MEIS1: variants seen among roughly 807,000 people sequenced by gnomAD.
The protein encoded by MEIS1 is homeobox protein Meis1.
In MEIS1, 5 loss-of-function variants were observed where a neutral mutation model predicts 50.8. The observed-to-expected ratio is 0.10, with a 90% CI of 0.05 to 0.21. The LOEUF (loss-of-function observed/expected upper bound fraction) is 0.21, where lower values mean the gene tolerates loss of function less well. MEIS1 is among the 10% of genes least tolerant of loss of function. MEIS1 has a pLI of 1.00. For synonymous variants in MEIS1, 176 were observed against 179.3 expected (o/e 0.98, Z 0.15); for missense variants, 318 against 517.3 (o/e 0.61, Z 3.74).
chr2:66,482,789 A>G (rs1057203238), intron 7 of MEIS1, among the ~76,000 whole-genome samples: 7 of 152,128 alleles, frequency 4.6e-5, no homozygotes, highest in African/African-American at 1.2e-4. Flanking sequence ...ATATTTCCCA[A>G]TGTTGCTCTC....
At chr2:66,458,066 GCTAACT>G (rs1232948507) in intron 6 of MEIS1, among the ~76,000 whole-genome samples, 1 of 152,084 alleles carries the variant, frequency 6.6e-6, no homozygotes, top group Non-Finnish European at 1.5e-5. Context: ...CTACGTAGCT[GCTAACT>G]GACACCTTCA....
intron 7 of MEIS1, among the ~76,000 whole-genome samples, chr2:66,476,391 C>T (rs1672892572): frequency 1.3e-5 from 2 of 152,102 alleles, no homozygotes; most frequent in African/African-American, 4.8e-5. Flanking sequence ...GAGGATTACT[C>T]CCAAAGATAG....
intron 7 of MEIS1, among the ~76,000 whole-genome samples, chr2:66,469,191 TAAA>T (rs201295252): frequency 6.9e-6 from 1 of 145,000 alleles, no homozygotes; most frequent in Non-Finnish European, 1.5e-5. Context: ...TAGTACCACT[TAAA>T]AAAAAAAAAG....
chr2:66,543,999 C>T lies in MEIS1; in HGVS notation c.889-3944C>T, dbSNP rs1456200428. Among the ~76,000 whole-genome samples the T allele has an allele frequency of 2.6e-5, 4 of 152,278 alleles. No individual in the cohort carries two copies. The South Asian group carries it at 6.2e-4, about 24-fold the overall frequency. On this transcript the variant is annotated intron_variant, in intron 8 of 12. Coordinates refer to ENST00000272369, the MANE Select transcript of MEIS1 (RefSeq NM_002398.3). The stretch of plus-strand genomic sequence containing the variant: ...CCTACTGATCTTTCTTAAACTGTGT[C>T]CTTGAGATGCAATAACAGCAAAGGT...
intron 6 of MEIS1, among the ~76,000 whole-genome samples, chr2:66,444,600 G>A (rs1029826650): frequency 1.3e-5 from 2 of 152,192 alleles, no homozygotes; most frequent in Non-Finnish European, 2.9e-5. Flanking sequence ...CGCAGCGTGC[G>A]CAATCCCAGT....
intron 5 of MEIS1, 55 bp downstream of exon 5, chr2:66,441,519 G>T (rs150783589): frequency 1.3e-5 from 19 of 1,411,072 alleles, no homozygotes; most frequent in African/African-American, 4.5e-5. Context: ...AAACACACAG[G>T]GGGGAGGGTT....
chr2:66,488,187 C>G (rs1673186377), intron 7 of MEIS1, among the ~76,000 whole-genome samples: 1 of 152,042 alleles, frequency 6.6e-6, no homozygotes, highest in Non-Finnish European at 1.5e-5. Context: ...CTTTTTTTCT[C>G]CAGTATACTT....
At chr2:66,558,653 T>G (rs890015335) in intron 9 of MEIS1, among the ~76,000 whole-genome samples, 6 of 152,222 alleles carry the variant, frequency 3.9e-5, no homozygotes, top group Admixed American at 6.5e-5. Flanking sequence ...TGTGCCATTC[T>G]ATAGCCTAAT....
At chr2:66,463,741 C>G (rs1219537521) in intron 6 of MEIS1, among the ~76,000 whole-genome samples, 1 of 152,176 alleles carries the variant, frequency 6.6e-6, no homozygotes, top group Non-Finnish European at 1.5e-5. Context: ...CCACCACTCT[C>G]ATTTTGCATT....
intron 9 of MEIS1, among the ~76,000 whole-genome samples, chr2:66,566,768 A>G (rs768766699): frequency 6.7e-6 from 1 of 150,058 alleles, no homozygotes; most frequent in African/African-American, 2.4e-5. Context: ...CAATTACTGT[A>G]TATCTGTGAC....
intron 8 of MEIS1, among the ~76,000 whole-genome samples, chr2:66,529,014 C>T (rs1241307427): frequency 1.3e-5 from 2 of 152,138 alleles, no homozygotes; most frequent in African/African-American, 4.8e-5. Flanking sequence ...GTTCCCTCAC[C>T]TGAGATACAT....
At chr2:66,527,312 A>G (rs892349801) in intron 8 of MEIS1, among the ~76,000 whole-genome samples, 3 of 152,188 alleles carry the variant, frequency 2.0e-5, no homozygotes, top group African/African-American at 7.2e-5. Context: ...ACTCAGGGCC[A>G]TAAATTTCAA....
chr2:66,559,275 A>T (rs543017519), intron 9 of MEIS1, among the ~76,000 whole-genome samples: 2 of 152,344 alleles, frequency 1.3e-5, no homozygotes, highest in African/African-American at 4.8e-5. Context: ...AAAATAAAAC[A>T]TATTTGATCA....
intron 3 of MEIS1, 47 bp from the exon 4 acceptor site, chr2:66,440,515 T>C: frequency 6.4e-7 from 1 of 1,553,132 alleles, no homozygotes. Context: ...TTTTTCTTTC[T>C]TTTTTCTCTC....
chr2:66,464,871 G>C (rs987339300), intron 7 of MEIS1, among the ~76,000 whole-genome samples: 4 of 152,178 alleles, frequency 2.6e-5, no homozygotes, highest in African/African-American at 4.8e-5. Context: ...AGGAAATAAA[G>C]TTTAAACATC....
intron 8 of MEIS1, among the ~76,000 whole-genome samples, chr2:66,539,667 A>G (rs1300780428): frequency 6.6e-6 from 1 of 152,248 alleles, no homozygotes; most frequent in Non-Finnish European, 1.5e-5. Flanking sequence ...CATTTGGAAC[A>G]GCGCCTGGCA....
intron 1 of MEIS1, chr2:66,437,520 A>G: frequency 1.7e-6 from 1 of 581,684 alleles, no homozygotes; most frequent in Non-Finnish European, 3.1e-6. Context: ...TTAGGGCAAG[A>G]TCATTCATCC....
chr2:66,440,290 T>G, intron 3 of MEIS1: 1 of 591,454 alleles, frequency 1.7e-6, no homozygotes, highest in South Asian at 2.1e-5. Context: ...CGGTTGTAGC[T>G]GCTGTGGACT....
chr2:66,546,720 T>C (rs1674799695), intron 8 of MEIS1, among the ~76,000 whole-genome samples: 1 of 152,216 alleles, frequency 6.6e-6, no homozygotes, highest in South Asian at 2.1e-4. Flanking sequence ...TAATTGTGTA[T>C]TTATTGATTA....
Sources: allele counts gnomAD v4.1 joint callset (sites outside exome capture counted in the v4.1 genomes callset), GRCh38; gene constraint gnomAD v4.1.1; transcripts MANE v1.5; gene names NCBI Gene and HGNC (gene_info 2026-07-23, HGNC 2026-07-21).